Variants in IPMK observed in about 807,000 individuals in gnomAD.
IPMK encodes the protein inositol 1,3,4,6-tetrakisphosphate 5-kinase.
A neutral mutation model predicts 45.8 loss-of-function variants in IPMK; 17 were observed. That is an observed-to-expected ratio of 0.37 (90% CI 0.25 to 0.56). The LOEUF is 0.56. Among genes scored for constraint, IPMK ranks in the 20% least tolerant of loss-of-function variants. The pLI is 0.79. For synonymous variants in IPMK, 180 were observed against 184.3 expected (o/e 0.98, Z 0.19); for missense variants, 399 against 498.0 (o/e 0.80, Z 1.89).
chr10:58,258,410 C>T (rs1839006528), intron 1 of IPMK, among the ~76,000 whole-genome samples: 1 of 152,130 alleles, frequency 6.6e-6, no homozygotes, highest in Admixed American at 6.5e-5. Flanking sequence ...AATGCTATAT[C>T]CAACAGAATA....
intron 3 of IPMK, among the ~76,000 whole-genome samples, chr10:58,226,284 A>T (rs150129052): frequency 1.3e-5 from 2 of 152,192 alleles, no homozygotes; most frequent in Non-Finnish European, 2.9e-5. Context: ...TGGTTCAAGA[A>T]CTATCCACAT....
At chr10:58,254,425 G>A (rs919610323) in intron 1 of IPMK, among the ~76,000 whole-genome samples, 14 of 151,050 alleles carry the variant, frequency 9.3e-5, no homozygotes, top group African/African-American at 2.9e-4. Context: ...TTCTTATTTC[G>A]TTTCTGGAGT....
intron 1 of IPMK, among the ~76,000 whole-genome samples, chr10:58,240,176 C>T (rs1425370731): frequency 1.3e-5 from 2 of 151,740 alleles, no homozygotes; most frequent in African/African-American, 4.8e-5. Flanking sequence ...AATGCAAATG[C>T]TAAACAGATT....
chr10:58,252,166 C>T (rs1380097615), intron 1 of IPMK, among the ~76,000 whole-genome samples: 1 of 152,058 alleles, frequency 6.6e-6, no homozygotes, highest in Non-Finnish European at 1.5e-5. Context: ...TTTGTGGTTA[C>T]CACGAGGCTT....
At chr10:58,216,395 G>T in intron 3 of IPMK, 78 bp from the exon 4 acceptor site, 1 of 595,788 alleles carries the variant, frequency 1.7e-6, no homozygotes, top group Non-Finnish European at 2.6e-6. Flanking sequence ...AAAACAAGAT[G>T]AGAAAATCCT....
chr10:58,237,953 TAACATTCAACC>T, intron 1 of IPMK, 139 bp from the exon 2 acceptor site: 1 of 638,284 alleles, frequency 1.6e-6, no homozygotes, highest in South Asian at 1.9e-5. Flanking sequence ...TCAGAAATTT[TAACATTCAACC>T]AACATGTTTC....
intron 1 of IPMK, among the ~76,000 whole-genome samples, chr10:58,245,440 C>T (rs1838782587): frequency 6.6e-6 from 1 of 151,770 alleles, no homozygotes; most frequent in Non-Finnish European, 1.5e-5. Flanking sequence ...AGTGGAACCC[C>T]GTCTCTACTG....
At chr10:58,244,568 G>C (rs139600710) in intron 1 of IPMK, among the ~76,000 whole-genome samples, 6,462 of 152,158 alleles carry the variant, frequency 0.042, 182 homozygotes, top group East Asian at 0.14. Flanking sequence ...AACAGGCCAT[G>C]ATGACGATGG....
chr10:58,226,686 G>A (rs2590314), intron 3 of IPMK, among the ~76,000 whole-genome samples: 3,761 of 152,230 alleles, frequency 0.025, 71 homozygotes, highest in South Asian at 0.051. Flanking sequence ...AAGAGACTGG[G>A]AGGAAGTCAT....
chr10:58,256,559 T>G (rs988330093), intron 1 of IPMK, among the ~76,000 whole-genome samples: 3 of 152,212 alleles, frequency 2.0e-5, no homozygotes, highest in African/African-American at 7.2e-5. Flanking sequence ...CCTTCTGCCC[T>G]TGTAATCTTT....
chr10:58,256,447 C>T (rs1361902044), intron 1 of IPMK, among the ~76,000 whole-genome samples: 1 of 152,184 alleles, frequency 6.6e-6, no homozygotes, highest in African/African-American at 2.4e-5. Flanking sequence ...CTCTTGAACC[C>T]TGTTTCCTGT....
At chr10:58,264,811 T>C (rs368119262) in intron 1 of IPMK, among the ~76,000 whole-genome samples, 1 of 152,150 alleles carries the variant, frequency 6.6e-6, no homozygotes, top group Non-Finnish European at 1.5e-5. Flanking sequence ...ATAGGTATAA[T>C]ACATGATATA....
At chr10:58,241,006 G>T (rs565290328) in intron 1 of IPMK, among the ~76,000 whole-genome samples, 15 of 152,224 alleles carry the variant, frequency 9.9e-5, no homozygotes, top group African/African-American at 3.6e-4. Context: ...AAATCATGTT[G>T]TCCCCAAGAA....
At chr10:58,259,515 C>T (rs1839024230) in intron 1 of IPMK, among the ~76,000 whole-genome samples, 1 of 151,730 alleles carries the variant, frequency 6.6e-6, no homozygotes, top group Non-Finnish European at 1.5e-5. Context: ...TATTCCTTAA[C>T]ATAGAATGCC....
chr10:58,206,137 T>G (rs1838068140), intron 4 of IPMK, among the ~76,000 whole-genome samples: 1 of 152,178 alleles, frequency 6.6e-6, no homozygotes, highest in Non-Finnish European at 1.5e-5. Flanking sequence ...AAGTACTGAC[T>G]TATATGACAA....
chr10:58,246,629 T>C (rs7909987), intron 1 of IPMK, among the ~76,000 whole-genome samples: 16,355 of 105,006 alleles, frequency 0.16, 2,117 homozygotes, highest in African/African-American at 0.34. Flanking sequence ...GGATCCCTTC[T>C]TTACACCTTA....
At chr10:58,199,102 G>T in intron 5 of IPMK, 138 bp downstream of exon 5, 1 of 560,680 alleles carries the variant, frequency 1.8e-6, no homozygotes. Flanking sequence ...ATCCAATTCT[G>T]TAAATCTAAG....
chr10:58,244,560 C>A (rs1006514834), intron 1 of IPMK, among the ~76,000 whole-genome samples: 1 of 151,858 alleles, frequency 6.6e-6, no homozygotes, highest in Non-Finnish European at 1.5e-5. Context: ...CCATCAAGAA[C>A]AGGCCATGAT....
chr10:58,194,456 C>T lies in IPMK; in HGVS notation c.*1620G>A, dbSNP rs1334857844. 1 of 151,662 alleles carries T rather than the reference C, an allele frequency of 6.6e-6. No individual in the cohort carries two copies. Among genetic ancestry groups the T allele is most frequent in the Admixed American group, 6.6e-5 (1 of 15,224 alleles). The allele number at this position is 151,662 out of a possible 1,614,324, so 9.4% of individuals were successfully genotyped here. A position where few individuals can be genotyped will look rare whatever the true frequency, so the allele number is the denominator to read the frequency against. ...AATAAAAAATTAAAATCAAATTTTGCTATTACAAAATGAACATGATCTTTT... is the reference window on the plus strand; with the variant it reads ...AATAAAAAATTAAAATCAAATTTTGTTATTACAAAATGAACATGATCTTTT... On this transcript the variant is annotated 3_prime_UTR_variant, in exon 6 of 6. Coordinates refer to ENST00000373935, the MANE Select transcript of IPMK (RefSeq NM_152230.5).
Sources: gnomAD v4.1 joint callset for allele counts (sites outside exome capture counted in the v4.1 genomes callset) on GRCh38, gnomAD v4.1.1 for gene constraint, MANE v1.5 for transcripts, NCBI Gene and HGNC (gene_info 2026-07-23, HGNC 2026-07-21) for gene names.